Variants in GSG1L observed in about 807,000 individuals in gnomAD.
The protein encoded by GSG1L is germ cell-specific gene 1-like protein.
GSG1L carries 24 observed loss-of-function variants against 42.1 expected under a neutral mutation model. That is an observed-to-expected ratio of 0.57 (90% CI 0.41 to 0.80). The LOEUF is 0.80. Among genes scored for constraint, GSG1L ranks in the 30% least tolerant of loss-of-function variants. The pLI, the probability that GSG1L is intolerant of heterozygous loss-of-function variation, is 0.00. For missense variants in GSG1L, 445 were observed against 472.2 expected (o/e 0.94, Z 0.53); for synonymous variants, 215 against 203.5 (o/e 1.06, Z -0.48).
intron 1 of GSG1L, among the ~76,000 whole-genome samples, chr16:27,986,516 A>G (rs2085385562): frequency 6.6e-6 from 1 of 152,082 alleles, no homozygotes; most frequent in Admixed American, 6.6e-5. Flanking sequence ...AAAAAAAAAA[A>G]AAAAAAGATA....
chr16:27,816,231 A>G (rs552948974), intron 5 of GSG1L, among the ~76,000 whole-genome samples: 5 of 152,288 alleles, frequency 3.3e-5, no homozygotes, highest in Admixed American at 3.3e-4. Context: ...CCATTCCAGC[A>G]TTTAGAGCTG....
chr16:27,804,016 G>A (rs2082923211), intron 6 of GSG1L, among the ~76,000 whole-genome samples: 1 of 133,230 alleles, frequency 7.5e-6, no homozygotes, highest in South Asian at 2.3e-4. Flanking sequence ...GATGGATGAT[G>A]GATGAATAGA....
intron 4 of GSG1L, among the ~76,000 whole-genome samples, chr16:27,841,366 C>T (rs747433860): frequency 6.6e-6 from 1 of 152,208 alleles, no homozygotes; most frequent in Non-Finnish European, 1.5e-5. Flanking sequence ...ACCATGGAGA[C>T]CTTCTACTTC....
In GSG1L at chr16:27,920,250, G is replaced by A. The variant is rs55638423; in HGVS notation, c.398-35612C>T. Among the ~76,000 whole-genome samples, 684 of 152,174 alleles carry A rather than the reference G, an allele frequency of 4.5e-3. 14 individuals are homozygous for A. The highest frequency in any genetic ancestry group is 0.015 in the African/African-American group (604 of 41,506). ...TGGGCGAAGGTGGTGAGGAATCATG[G>A]TGTGCCTACTGTATCTTTGCTGACC... On this transcript the variant is annotated intron_variant, in intron 2 of 6. Transcript: ENST00000447459.
chr16:27,977,559 CAAAAA>C (rs34588077), intron 1 of GSG1L, among the ~76,000 whole-genome samples: 5 of 44,944 alleles, frequency 1.1e-4, no homozygotes, highest in East Asian at 6.1e-4. Context: ...CACCCTGCCT[CAAAAA>C]AAAAAAAAAA....
intron 2 of GSG1L, among the ~76,000 whole-genome samples, chr16:27,921,080 GC>G (rs1451347005): frequency 5.9e-5 from 9 of 152,152 alleles, no homozygotes; most frequent in African/African-American, 2.2e-4. Context: ...TGTGACCAGA[GC>G]CACTTTTCAA....
intron 2 of GSG1L, among the ~76,000 whole-genome samples, chr16:27,959,772 AC>A (rs1567535413): frequency 6.6e-6 from 1 of 152,084 alleles, no homozygotes; most frequent in African/African-American, 2.4e-5. Flanking sequence ...ACAGAGCAAG[AC>A]CCCATCTCAA....
intron 3 of GSG1L, among the ~76,000 whole-genome samples, chr16:27,883,205 G>A (rs1476157104): frequency 6.6e-6 from 1 of 150,812 alleles, no homozygotes; most frequent in Non-Finnish European, 1.5e-5. Flanking sequence ...CCCCAAACAA[G>A]CACAGTGCCC....
intron 3 of GSG1L, among the ~76,000 whole-genome samples, chr16:27,864,468 T>C (rs1378386804): frequency 1.3e-5 from 2 of 152,170 alleles, no homozygotes; most frequent in African/African-American, 4.8e-5. Flanking sequence ...GCCTCTCTCC[T>C]AAGACAGCCA....
chr16:27,972,299 T>C (rs893868043), intron 1 of GSG1L, among the ~76,000 whole-genome samples: 1 of 152,220 alleles, frequency 6.6e-6, no homozygotes, highest in Non-Finnish European at 1.5e-5. Flanking sequence ...GGAAAAGTCA[T>C]AGAGATGACA....
chr16:27,972,014 C>T (rs945560807), intron 1 of GSG1L, among the ~76,000 whole-genome samples: 5 of 152,220 alleles, frequency 3.3e-5, no homozygotes, highest in Admixed American at 6.5e-5. Flanking sequence ...AGACTCCACA[C>T]CACATCCTAA....
At chr16:28,041,862 C>T (rs903367331) in intron 1 of GSG1L, among the ~76,000 whole-genome samples, 32 of 152,216 alleles carry the variant, frequency 2.1e-4, no homozygotes, top group African/African-American at 7.7e-4. Flanking sequence ...CCTCGCTGGG[C>T]ATCGCAGATG....
chr16:27,845,065 T>TGGGGCAG lies in GSG1L; in HGVS notation c.551-11_551-5dup. 6.2e-7 allele frequency: 1 copy of TGGGGCAG among 1,605,198 alleles called. No homozygotes were observed. Among genetic ancestry groups the TGGGGCAG allele is most frequent in the East Asian group, 2.2e-5 (1 of 44,772 alleles). On this transcript the variant is annotated splice_region_variant and splice_polypyrimidine_tract_variant and intron_variant, in intron 3 of 6. Coordinates refer to ENST00000447459, the MANE Select transcript of GSG1L (RefSeq NM_001109763.2). ...TGGGCGACCATTCCCAGGAGGCCTG[T>TGGGGCAG]GGGGCAGAGAGCAGAGCAAAGCGTC...
intron 1 of GSG1L, among the ~76,000 whole-genome samples, chr16:27,973,761 G>A (rs535145836): frequency 1.3e-5 from 2 of 152,222 alleles, no homozygotes; most frequent in South Asian, 2.1e-4. Flanking sequence ...GATCACCAAC[G>A]CTGGTGTTTC....
chr16:27,898,026 A>G (rs1429486627), intron 2 of GSG1L, among the ~76,000 whole-genome samples: 1 of 152,208 alleles, frequency 6.6e-6, no homozygotes, highest in African/African-American at 2.4e-5. Context: ...ATCATTGGAA[A>G]GGATTTTGAC....
In GSG1L at chr16:27,791,085, G is replaced by A. The variant is rs572616718; in HGVS notation, c.*285C>T. 46 of 293,968 alleles carry A rather than the reference G, an allele frequency of 1.6e-4. No individual in the cohort carries two copies. The highest frequency in any genetic ancestry group is 1.9e-3 in the Middle Eastern group (2 of 1,052). The allele number at this position is 293,968 out of a possible 1,614,324, so 18.2% of individuals were successfully genotyped here. A position where few individuals can be genotyped will look rare whatever the true frequency, so the allele number is the denominator to read the frequency against. On this transcript the variant is annotated 3_prime_UTR_variant, in exon 7 of 7. Transcript: ENST00000447459. Reference sequence around the variant, plus strand: ...CAGTGGCCATGTGTCTCCTGGCATCGCAGCTGTGCCCAGCAGGGCTCATGT... The same window carrying A: ...CAGTGGCCATGTGTCTCCTGGCATCACAGCTGTGCCCAGCAGGGCTCATGT...
At chr16:27,973,488 G>A (rs141877784) in intron 1 of GSG1L, among the ~76,000 whole-genome samples, 7 of 144,900 alleles carry the variant, frequency 4.8e-5, no homozygotes, top group African/African-American at 1.5e-4. Flanking sequence ...CTTAGGAGAT[G>A]GCTTTCGTTG....
chr16:27,803,872 A>T (rs1174133788), intron 6 of GSG1L, among the ~76,000 whole-genome samples: 2 of 150,788 alleles, frequency 1.3e-5, no homozygotes, highest in African/African-American at 2.4e-5. Flanking sequence ...GATAGATAGG[A>T]TCTGTAGATA....
intron 1 of GSG1L, among the ~76,000 whole-genome samples, chr16:27,988,347 A>G (rs913467517): frequency 2.7e-5 from 4 of 145,736 alleles, no homozygotes; most frequent in Non-Finnish European, 5.9e-5. Context: ...GTATAAAGAA[A>G]GCAAAATGTA....
Sources: gnomAD v4.1 joint callset for allele counts (sites outside exome capture counted in the v4.1 genomes callset) on GRCh38, gnomAD v4.1.1 for gene constraint, MANE v1.5 for transcripts, NCBI Gene and HGNC (gene_info 2026-07-23, HGNC 2026-07-21) for gene names.